Variants in ANKRD13D observed in about 807,000 individuals in gnomAD.
ANKRD13D encodes ankyrin repeat domain 13D.
In ANKRD13D, 24 loss-of-function variants were observed where a neutral mutation model predicts 68.8. The observed-to-expected ratio is 0.35, with a 90% confidence interval of 0.25 to 0.49. The LOEUF (loss-of-function observed/expected upper bound fraction) is 0.49, where lower values mean the gene tolerates loss of function less well. Among genes scored for constraint, ANKRD13D ranks in the 20% least tolerant of loss-of-function variants. ANKRD13D has a pLI of 0.99. For missense variants in ANKRD13D, 735 were observed against 832.1 expected, an observed-to-expected ratio of 0.88 and a Z score of 1.44; for synonymous variants, 331 against 336.1, an observed-to-expected ratio of 0.98 and a Z score of 0.16.
intron 6 of ANKRD13D, among the ~76,000 whole-genome samples, chr11:67,294,763 A>G (rs144038054): frequency 2.0e-5 from 3 of 151,840 alleles, no homozygotes; most frequent in African/African-American, 2.4e-5. Context: ...CTGGTCTCCA[A>G]CTCCTGACCT....
chr11:67,289,617 T>TGGGGGGGGGGGGGGGGGG, intron 1 of ANKRD13D, 67 bp downstream of exon 1: 2 of 1,125,046 alleles, frequency 1.8e-6, no homozygotes, highest in African/African-American at 9.5e-5. Flanking sequence ...GCCTCCGTCC[T>TGGGGGGGGGGGGGGGGGG]GGAGCCCCCC....
rs1318069513 is a variant in ANKRD13D at position 67,299,316 on chromosome 11, T to C, written c.798+192T>C. On this transcript the variant is annotated intron_variant, in intron 7 of 14. Transcript: ENST00000511455. The surrounding 1 kb of genome is among the most constrained non-coding windows in gnomAD (Gnocchi z 6.2). Reference sequence around the variant, plus strand: ...CCACATCATGGGCCCCTACCCAGGGTACCGAGATCAAAAGAGGAGTGTGTT... The same window carrying C: ...CCACATCATGGGCCCCTACCCAGGGCACCGAGATCAAAAGAGGAGTGTGTT... The C allele has an allele frequency of 6.7e-5, 49 of 730,716 alleles. No individual in the cohort carries two copies. In the Admixed American group the frequency reaches 1.3e-3, roughly 19 times the overall value. The allele number at this position is 730,716 out of a possible 1,614,324, so 45.3% of individuals were successfully genotyped here.
At chr11:67,289,956 C>A in intron 1 of ANKRD13D, 122 bp from the exon 2 acceptor site, 1 of 1,448,422 alleles carries the variant, frequency 6.9e-7, no homozygotes, top group Non-Finnish European at 9.1e-7. Flanking sequence ...CACCCTCTGC[C>A]ATCTCCCTGG....
At position 67,289,424 on chromosome 11, in the gene ANKRD13D, G is replaced by A. The variant is rs1038674010; in HGVS notation, c.-37G>A. Reference sequence around the variant, plus strand: ...GCTAGGGGGCCGTGCCAGGCCCGAAGCCGAGGCGGGGCCGGGATGCGGCGC... The same window carrying A: ...GCTAGGGGGCCGTGCCAGGCCCGAAACCGAGGCGGGGCCGGGATGCGGCGC... On this transcript the variant is annotated 5_prime_UTR_variant, in exon 1 of 15. Transcript: ENST00000511455. 2 of 1,405,406 alleles carry A rather than the reference G, an allele frequency of 1.4e-6. No individual in the cohort carries two copies. Among genetic ancestry groups the A allele is most frequent in the Non-Finnish European group, 9.2e-7 (1 of 1,084,776 alleles). The allele number at this position is 1,405,406 out of a possible 1,614,324, so 87.1% of individuals were successfully genotyped here. A position where few individuals can be genotyped will look rare whatever the true frequency, so the allele number is the denominator to read the frequency against.
Position 67,289,470 on chromosome 11 carries a change from C to T in ANKRD13D, c.10C>T (p.Pro4Ser). Residue 4 changes from proline to serine, a missense_variant, in exon 1 of 15, where the codon CCG (proline) becomes TCG (serine). Pro to Ser is a moderately conservative substitution (Grantham distance 74, BLOSUM62 -1). Transcript: ENST00000511455. ...GGCGCTGAGGCCCAGCATGGCCGGC[C>T]CGGGCCCCACCTTCCCGCTGCACCG... MAG[P>S]GPTFPLHRLV... 1.3e-6 allele frequency: 2 copies of T among 1,502,080 alleles called. No individual in the cohort carries two copies. The highest frequency in any genetic ancestry group is 1.8e-6 in the Non-Finnish European group (2 of 1,133,490). 93.0% of individuals were successfully genotyped at this position (1,502,080 alleles called of 1,614,324 possible). A position where few individuals can be genotyped will look rare whatever the true frequency, so the allele number is the denominator to read the frequency against.
chr11:67,290,178 C>A lies in ANKRD13D; in HGVS notation c.191C>A (p.Ala64Asp). 2.6e-6 allele frequency: 4 copies of A among 1,537,524 alleles called. No homozygotes were observed. The highest frequency in any genetic ancestry group is 3.5e-6 in the Non-Finnish European group (4 of 1,146,900). ...GTGAGAGTGCTCCTTCGACACAATG[C>A]CAACGTGGGCAAAGAGAACCGCCAG... Reference protein sequence around the residue: ...ESVRVLLRHNANVGKENRQGW... With the variant: ...ESVRVLLRHNDNVGKENRQGW... The change falls in exon 2 of 15, where the codon GCC becomes GAC. Residue 64 changes from alanine (A) to aspartate (D), a missense_variant. Coordinates refer to ENST00000511455, the MANE Select transcript of ANKRD13D (RefSeq NM_207354.3).
At chr11:67,290,517 G>A (rs1439528377) in intron 3 of ANKRD13D, 71 bp downstream of exon 3, 2 of 1,493,612 alleles carry the variant, frequency 1.3e-6, no homozygotes, top group Non-Finnish European at 1.8e-6. Flanking sequence ...TGCCAGGCCT[G>A]GCCTTGGAAA....
chr11:67,300,159 G>C lies in ANKRD13D; in HGVS notation c.1073+36G>C. 1 of 1,611,988 alleles carries C rather than the reference G, an allele frequency of 6.2e-7. No individual in the cohort carries two copies. The highest frequency in any genetic ancestry group is 8.5e-7 in the Non-Finnish European group (1 of 1,178,932). ...AGAGCTGGCTGGGGACTTGCCTCGG[G>C]ACAAGGGCTCTTGCAGACCCCTCTC... On this transcript the variant is annotated intron_variant, in intron 10 of 14. Transcript: ENST00000511455. This position sits in a 1 kb window ranked among gnomAD's most constrained non-coding sequence, Gnocchi z 4.3.
chr11:67,291,542 T>A, intron 4 of ANKRD13D, 21 bp downstream of exon 4: 1 of 1,613,762 alleles, frequency 6.2e-7, no homozygotes, highest in Non-Finnish European at 8.5e-7. Context: ...ACCTCTGGGC[T>A]CCCAGGGATT....
In ANKRD13D at chr11:67,290,421, C is replaced by T. The variant is rs565406135; in HGVS notation, c.326C>T (p.Pro109Leu). ...GCCACGCAGAGGCTGGCGGGCATTC[C>T]GGAACTGCTCAACAAACTTCGCCAG... ...QRATQRLAGI[P>L]ELLNKLRQAP... The change falls in exon 3 of 15, where the codon CCG (proline) becomes CTG (leucine). Residue 109 changes from proline (P) to leucine (L), a missense_variant. By Grantham distance (98) the Pro-to-Leu change is moderately conservative (BLOSUM62 -3). Transcript: ENST00000511455. 16 of 1,588,448 alleles carry T rather than the reference C, an allele frequency of 1.0e-5. No homozygotes were observed. Among genetic ancestry groups the T allele is most frequent in the South Asian group, 4.6e-5 (4 of 87,296 alleles).
At chr11:67,289,985 T>G (rs1860464311) in intron 1 of ANKRD13D, 93 bp from the exon 2 acceptor site, 1 of 1,466,824 alleles carries the variant, frequency 6.8e-7, no homozygotes, top group Non-Finnish European at 9.0e-7. Flanking sequence ...CCGTCCTTAT[T>G]TCCCACAGCG....
At chr11:67,293,367 A>G (rs1218299831) in intron 6 of ANKRD13D, among the ~76,000 whole-genome samples, 3 of 152,234 alleles carry the variant, frequency 2.0e-5, no homozygotes, top group Admixed American at 2.0e-4. Context: ...GAGAAGTGAT[A>G]GCTCACTGTG....
Position 67,299,258 on chromosome 11 carries a change from G to A in ANKRD13D, c.798+134G>A, listed in dbSNP as rs1332242068. 2.9e-5 allele frequency: 32 copies of A among 1,119,896 alleles called. No individual in the cohort carries two copies. Among genetic ancestry groups the A allele is most frequent in the Non-Finnish European group, 3.9e-5 (30 of 761,410 alleles). 69.4% of individuals were successfully genotyped at this position (1,119,896 alleles called of 1,614,324 possible). Reference sequence around the variant, plus strand: ...ATTTGTGGGAACTCAGCGGGCCTGAGTGCCCAGCCCCTGCGGAGTACACAG... The same window carrying A: ...ATTTGTGGGAACTCAGCGGGCCTGAATGCCCAGCCCCTGCGGAGTACACAG... On this transcript the variant is annotated intron_variant, in intron 7 of 14. Coordinates refer to ENST00000511455, the MANE Select transcript of ANKRD13D (RefSeq NM_207354.3). This position sits in a 1 kb window ranked among gnomAD's most constrained non-coding sequence, Gnocchi z 6.2.
At chr11:67,293,045 C>A (rs1346743191) in intron 6 of ANKRD13D, among the ~76,000 whole-genome samples, 1 of 152,026 alleles carries the variant, frequency 6.6e-6, no homozygotes, top group African/African-American at 2.4e-5. Flanking sequence ...ATTCATTAAC[C>A]CATCGATAGA....
Position 67,302,413 on chromosome 11 carries a change from G to A in ANKRD13D, c.*81G>A. 7.0e-7 allele frequency: 1 copy of A among 1,434,130 alleles called. No homozygotes were observed. The highest frequency in any genetic ancestry group is 2.4e-4 in the Middle Eastern group (1 of 4,110). 88.8% of individuals were successfully genotyped at this position (1,434,130 alleles called of 1,614,324 possible). On this transcript the variant is annotated 3_prime_UTR_variant, in exon 15 of 15. Coordinates refer to ENST00000511455, the MANE Select transcript of ANKRD13D (RefSeq NM_207354.3). Reference sequence around the variant, plus strand: ...TTATTTATAAACTCTCTGCTGCTGAGCTTGGGGCCTGGAGCCCCAGGAATG... The same window carrying A: ...TTATTTATAAACTCTCTGCTGCTGAACTTGGGGCCTGGAGCCCCAGGAATG...
Position 67,302,135 on chromosome 11 carries a change from C to G in ANKRD13D, c.1621C>G (p.Leu541Val). The G allele has an allele frequency of 6.3e-7, 1 of 1,583,754 alleles. No individual in the cohort carries two copies. The highest frequency in any genetic ancestry group is 2.3e-5 in the East Asian group (1 of 43,654). The stretch of plus-strand genomic sequence containing the variant: ...GCCTGGAAGGGCCCTCCAGGAAAGC[C>G]TGCAGCTGTCCACAGAGCCCAGGGG... ...LQLERALQES[L>V]QLSTEPRGPG... The change falls in exon 15 of 15, where the codon CTG becomes GTG. Residue 541 changes from leucine (L) to valine (V), a missense_variant. Leu to Val is a conservative substitution (Grantham distance 32). Transcript: ENST00000511455.
Position 67,300,882 on chromosome 11 carries a change from A to G in ANKRD13D, c.1074-108A>G. 7.1e-7 allele frequency: 1 copy of G among 1,403,484 alleles called. No homozygotes were observed. The highest frequency in any genetic ancestry group is 9.7e-7 in the Non-Finnish European group (1 of 1,034,728). 86.9% of individuals were successfully genotyped at this position (1,403,484 alleles called of 1,614,324 possible). Reference sequence around the variant, plus strand: ...GCATCTGAGCAGAGCAGGGCACTCCAGGCCAGGCAGAAGGTGGGTAAAGGC... The same window carrying G: ...GCATCTGAGCAGAGCAGGGCACTCCGGGCCAGGCAGAAGGTGGGTAAAGGC... On this transcript the variant is annotated intron_variant, in intron 10 of 14. Coordinates refer to ENST00000511455, the MANE Select transcript of ANKRD13D (RefSeq NM_207354.3). This position sits in a 1 kb window ranked among gnomAD's most constrained non-coding sequence, Gnocchi z 4.3.
At position 67,301,505 on chromosome 11, in the gene ANKRD13D, G is replaced by A. The variant is rs762662570; in HGVS notation, c.1366G>A (p.Glu456Lys). 5.0e-6 allele frequency: 8 copies of A among 1,612,952 alleles called. No homozygotes were observed. The East Asian group carries it at 6.7e-5, about 13-fold the overall frequency. ...CTGCCTAGGGAACCCTTTCCCGTGCGAGGTGGACCCCACCGTGTTTGAAGT... is the reference window on the plus strand; with the variant it reads ...CTGCCTAGGGAACCCTTTCCCGTGCAAGGTGGACCCCACCGTGTTTGAAGT... ...VAASGNPFPC[E>K]VDPTVFEVPN... Residue 456 changes from glutamate to lysine, a missense_variant, in exon 13 of 15, where the codon GAG (glutamate) becomes AAG (lysine). Transcript: ENST00000511455. This position sits in a 1 kb window ranked among gnomAD's most constrained non-coding sequence, Gnocchi z 4.5.
chr11:67,294,407 A>G (rs191781573), intron 6 of ANKRD13D, among the ~76,000 whole-genome samples: 185 of 152,342 alleles, frequency 1.2e-3, no homozygotes, highest in African/African-American at 4.1e-3. Context: ...ATCCGTGAAC[A>G]TGGGATGTTT....
Sources: allele counts gnomAD v4.1 joint callset (sites outside exome capture counted in the v4.1 genomes callset), GRCh38; gene constraint gnomAD v4.1.1; non-coding constraint Gnocchi (gnomAD v3.1); transcripts MANE v1.5; gene names NCBI Gene and HGNC (gene_info 2026-07-23, HGNC 2026-07-21).